The following ZRANB3 variants were observed in gnomAD, a reference collection of about 807,000 sequenced individuals.
The protein encoded by ZRANB3 is DNA annealing helicase and endonuclease ZRANB3.
ZRANB3 carries 125 observed loss-of-function variants against 133.8 expected under a neutral mutation model. That is an observed-to-expected ratio of 0.93 (90% CI 0.81 to 1.08). ZRANB3 has a LOEUF of 1.08. Ranked by LOEUF, ZRANB3 falls within the 50% of genes least tolerant of loss-of-function variation. The pLI is 0.00. For synonymous variants in ZRANB3, 387 were observed against 432.7 expected (o/e 0.89, Z 1.31); for missense variants, 1,229 against 1,275.5 (o/e 0.96, Z 0.56).
chr2:135,374,848 C>T (rs1392649957), intron 3 of ZRANB3, among the ~76,000 whole-genome samples: 1 of 152,080 alleles, frequency 6.6e-6, no homozygotes, highest in Non-Finnish European at 1.5e-5. Flanking sequence ...ACAAATAACT[C>T]TTAAAACTCA....
intron 2 of ZRANB3, among the ~76,000 whole-genome samples, chr2:135,413,402 A>G (rs1681067347): frequency 1.3e-5 from 2 of 152,176 alleles, no homozygotes; most frequent in South Asian, 4.1e-4. Context: ...TTTAAGGCCA[A>G]TCACATTTCC....
intron 3 of ZRANB3, among the ~76,000 whole-genome samples, chr2:135,376,292 G>A (rs1686425720): frequency 6.6e-6 from 1 of 152,232 alleles, no homozygotes; most frequent in East Asian, 1.9e-4. Flanking sequence ...CCAGTTTGTG[G>A]TACTATCTTA....
At chr2:135,303,798 T>C (rs1280048032) in intron 8 of ZRANB3, among the ~76,000 whole-genome samples, 1 of 152,236 alleles carries the variant, frequency 6.6e-6, no homozygotes, top group Non-Finnish European at 1.5e-5. Flanking sequence ...ATCTGTTGTT[T>C]ATTTAAATTT....
chr2:135,294,281 T>G (rs1405650953), intron 8 of ZRANB3, among the ~76,000 whole-genome samples: 4 of 151,394 alleles, frequency 2.6e-5, no homozygotes, highest in Admixed American at 6.6e-5. Flanking sequence ...GAGCCTGTTA[T>G]TGGTCTATTC....
chr2:135,350,199 T>A lies in ZRANB3; in HGVS notation c.376A>T (p.Lys126Ter). Residue 126 changes from lysine to a stop codon, truncating the protein, a stop_gained, in exon 5 of 21, where the codon AAA becomes TAA. Coordinates refer to ENST00000264159, the MANE Select transcript of ZRANB3 (RefSeq NM_032143.4). LOFTEE classifies it high-confidence loss of function. Reference protein sequence around the residue: ...KTDVRRMSTSKVTVLGYGLLT... With the variant: ...KTDVRRMSTS ...AGACCATAACCCAGAACTGTCACTT[T>A]ACTGGTCGACATTCTCCTAGAAAAG... 6.3e-7 allele frequency: 1 copy of A among 1,594,178 alleles called. No homozygotes were observed. The highest frequency in any genetic ancestry group is 8.6e-7 in the Non-Finnish European group (1 of 1,169,168).
chr2:135,378,241 C>G (rs894004427), intron 3 of ZRANB3, among the ~76,000 whole-genome samples: 1 of 152,082 alleles, frequency 6.6e-6, no homozygotes, highest in African/African-American at 2.4e-5. Context: ...ACCTGTAATC[C>G]CAGCACTTTG....
intron 8 of ZRANB3, among the ~76,000 whole-genome samples, chr2:135,286,315 C>T (rs7571145): frequency 0.27 from 40,363 of 152,008 alleles, 8,941 homozygotes; most frequent in African/African-American, 0.6. Flanking sequence ...TCTGGCTTTG[C>T]CACCCAGGCT....
At chr2:135,396,090 T>C (rs1343778569) in intron 2 of ZRANB3, among the ~76,000 whole-genome samples, 1 of 152,124 alleles carries the variant, frequency 6.6e-6, no homozygotes, top group Non-Finnish European at 1.5e-5. Context: ...GCATTGATCA[T>C]CAGAGAAATG....
intron 1 of ZRANB3, among the ~76,000 whole-genome samples, chr2:135,528,538 C>T (rs978433177): frequency 3.9e-5 from 6 of 151,998 alleles, no homozygotes; most frequent in South Asian, 2.1e-4. Context: ...GGAAAATGTA[C>T]TTATCACACA....
chr2:135,461,768 C>T (rs1690777029), intron 2 of ZRANB3, among the ~76,000 whole-genome samples: 1 of 152,096 alleles, frequency 6.6e-6, no homozygotes, highest in South Asian at 2.1e-4. Flanking sequence ...AAAAATGATT[C>T]AAATATAGGT....
At position 135,390,839 on chromosome 2, in the gene ZRANB3, A is replaced by T. The variant is rs1478465292; in HGVS notation, c.162-19T>A. ...CATACACCTGGAAAAAAAAAAAAAA[A>T]AAAATTAATTATCAGAGTGAACCTT... On this transcript the variant is annotated intron_variant, in intron 2 of 20. Transcript: ENST00000264159. The T allele has an allele frequency of 1.3e-6, 2 of 1,519,206 alleles. No individual in the cohort carries two copies. Among genetic ancestry groups the T allele is most frequent in the African/African-American group, 2.8e-5 (2 of 70,274 alleles). 94.1% of individuals were successfully genotyped at this position (1,519,206 alleles called of 1,614,324 possible). A position where few individuals can be genotyped will look rare whatever the true frequency, so the allele number is the denominator to read the frequency against.
chr2:135,442,809 A>G (rs1689838289), intron 2 of ZRANB3, among the ~76,000 whole-genome samples: 2 of 152,150 alleles, frequency 1.3e-5, no homozygotes, highest in Non-Finnish European at 2.9e-5. Context: ...ATGTCCATCA[A>G]TAATAGACTG....
At chr2:135,490,881 C>T (rs1416601635) in intron 2 of ZRANB3, among the ~76,000 whole-genome samples, 2 of 152,066 alleles carry the variant, frequency 1.3e-5, no homozygotes, top group African/African-American at 4.8e-5. Context: ...TGAAATAAGC[C>T]AAGCACAGAA....
At chr2:135,492,192 A>G (rs1006824753) in intron 2 of ZRANB3, among the ~76,000 whole-genome samples, 2 of 152,242 alleles carry the variant, frequency 1.3e-5, no homozygotes, top group African/African-American at 4.8e-5. Flanking sequence ...ATAATTGCAT[A>G]AAGACTAAAT....
chr2:135,350,015 GT>G lies in ZRANB3; in HGVS notation c.559del (p.Thr187GlnfsTer6). On this transcript the variant is annotated frameshift_variant, in exon 5 of 21. Transcript: ENST00000264159. LOFTEE classifies it high-confidence loss of function. ...AGGCCTTCCTAAAGCTGGTGTTCCT[GT>G]AAGAAGAATGGCTCGTCTGGCTTTC... ...VQKARRAILL[T>X]GTPALGRPEE... 6.2e-7 allele frequency: 1 copy of G among 1,613,788 alleles called. No individual in the cohort carries two copies. The highest frequency in any genetic ancestry group is 2.2e-5 in the East Asian group (1 of 44,872).
At chr2:135,499,703 T>C (rs1166854598) in intron 2 of ZRANB3, among the ~76,000 whole-genome samples, 2 of 152,096 alleles carry the variant, frequency 1.3e-5, no homozygotes, top group African/African-American at 2.4e-5. Context: ...ATAGGCAAAA[T>C]GAAGTGTTGA....
At chr2:135,228,127 T>C (rs1205229519) in intron 13 of ZRANB3, 112 bp from the exon 14 acceptor site, 35 of 924,108 alleles carry the variant, frequency 3.8e-5, no homozygotes, top group Non-Finnish European at 4.9e-5. Context: ...TTTATTCATA[T>C]GTTCAAAACA....
intron 2 of ZRANB3, among the ~76,000 whole-genome samples, chr2:135,494,886 T>A (rs574361508): frequency 6.6e-6 from 1 of 152,320 alleles, no homozygotes; most frequent in Non-Finnish European, 1.5e-5. Context: ...ACAAAAAACA[T>A]GCTATAAAAG....
chr2:135,423,807 G>A (rs1688962529), intron 2 of ZRANB3, among the ~76,000 whole-genome samples: 1 of 152,186 alleles, frequency 6.6e-6, no homozygotes, highest in African/African-American at 2.4e-5. Flanking sequence ...AGGTCTGAAA[G>A]TATCTTCTCT....
Sources: gnomAD v4.1 joint callset for allele counts (sites outside exome capture counted in the v4.1 genomes callset) on GRCh38, gnomAD v4.1.1 for gene constraint, MANE v1.5 for transcripts, NCBI Gene and HGNC (gene_info 2026-07-23, HGNC 2026-07-21) for gene names.